JAKMIP1: variants seen among roughly 807,000 people sequenced by gnomAD.
The protein encoded by JAKMIP1 is janus kinase and microtubule interacting protein 1.
Under a neutral mutation model 113.0 loss-of-function variants are expected in JAKMIP1, and 33 were observed. That is an observed-to-expected ratio of 0.29 (90% CI 0.22 to 0.39). JAKMIP1 has a LOEUF of 0.39. Among genes scored for constraint, JAKMIP1 ranks in the 10% least tolerant of loss-of-function variants. JAKMIP1 has a pLI of 1.00. For missense variants in JAKMIP1, 813 were observed against 1,080.5 expected (o/e 0.75, Z 3.47); for synonymous variants, 480 against 459.9 (o/e 1.04, Z -0.56).
rs146732921 is a variant in JAKMIP1, at chr4:6,149,481, G to A, written c.-147-36484C>T. Reference sequence around the variant, plus strand: ...CCAGTGAAATCTAGGGATGTGGTCCGAGACCAGCGAGTAAGAAATACTGAA... The same window carrying A: ...CCAGTGAAATCTAGGGATGTGGTCCAAGACCAGCGAGTAAGAAATACTGAA... On this transcript the variant is annotated intron_variant, in intron 1 of 20. Coordinates refer to ENST00000409021, the MANE Select transcript of JAKMIP1 (RefSeq NM_001099433.2). Among the ~76,000 whole-genome samples the A allele has an allele frequency of 2.6e-5, 4 of 152,236 alleles. No individual in the cohort carries two copies. In the East Asian group the frequency reaches 7.7e-4, roughly 29 times the overall value.
At position 6,050,173 on chromosome 4, in the gene JAKMIP1, T is replaced by C. The variant is rs997416872; in HGVS notation, c.1909-301A>G. ...GGACACGGTAAACCCCGGGCCCTTC[T>C]AGCAACCACAGCCACCATCTACAGA... is the stretch of plus-strand genomic sequence containing the variant. On this transcript the variant is annotated intron_variant, in intron 14 of 20. Transcript: ENST00000409021. The surrounding 1 kb of genome is among the most constrained non-coding windows in gnomAD (Gnocchi z 7.4). Among the ~76,000 whole-genome samples the C allele has an allele frequency of 6.6e-6, 1 of 152,204 alleles. No individual in the cohort carries two copies. The highest frequency in any genetic ancestry group is 1.5e-5 in the Non-Finnish European group (1 of 68,036).
rs1436689147 is a variant in JAKMIP1, at chr4:6,188,450, A to G, written c.-148+11803T>C. 6.6e-6 allele frequency among the ~76,000 whole-genome samples: 1 copy of G among 152,176 alleles called. No individual in the cohort carries two copies. The highest frequency in any genetic ancestry group is 1.5e-5 in the Non-Finnish European group (1 of 68,036). ...TTTCTCCACTTCCAACAATAAACAG[A>G]TAAGACACCACCCCAAAATGTTCAG... On this transcript the variant is annotated intron_variant, in intron 1 of 20. Coordinates refer to ENST00000409021, the MANE Select transcript of JAKMIP1 (RefSeq NM_001099433.2). The surrounding 1 kb of genome is among the most constrained non-coding windows in gnomAD (Gnocchi z 5.8).
rs991780319 is a variant in JAKMIP1 at position 6,081,482 on chromosome 4, C to T, written c.1101+127G>A. 1.6e-5 allele frequency: 16 copies of T among 989,758 alleles called. No homozygotes were observed. The Admixed American group carries it at 2.4e-4, about 15-fold the overall frequency. The allele number at this position is 989,758 out of a possible 1,614,324, so 61.3% of individuals were successfully genotyped here. The stretch of plus-strand genomic sequence containing the variant: ...CGAGACATCTGTGACTGACACTGTG[C>T]CTGGTGCTTTGTGGGGAGGTGGGCA... On this transcript the variant is annotated intron_variant, in intron 6 of 20. Transcript: ENST00000409021. This position sits in a 1 kb window ranked among gnomAD's most constrained non-coding sequence, Gnocchi z 4.6.
chr4:6,196,021 C>T (rs1382068808), intron 1 of JAKMIP1, among the ~76,000 whole-genome samples: 1 of 152,214 alleles, frequency 6.6e-6, no homozygotes, highest in Non-Finnish European at 1.5e-5. Flanking sequence ...TGTCCATTCA[C>T]CTCTACAGAC....
In JAKMIP1 at chr4:6,138,187, A is replaced by G. The variant is rs1364184898; in HGVS notation, c.-147-25190T>C. 6.6e-6 allele frequency among the ~76,000 whole-genome samples: 1 copy of G among 152,110 alleles called. No individual in the cohort carries two copies. Among genetic ancestry groups the G allele is most frequent in the Non-Finnish European group, 1.5e-5 (1 of 68,020 alleles). On this transcript the variant is annotated intron_variant, in intron 1 of 20. Transcript: ENST00000409021. This position sits in a 1 kb window ranked among gnomAD's most constrained non-coding sequence, Gnocchi z 6.0. Reference sequence around the variant, plus strand: ...GGACAGAGTGGCTTCTGTTATCTGCACCTGAACACAGATGAAAGCTGGGGT... The same window carrying G: ...GGACAGAGTGGCTTCTGTTATCTGCGCCTGAACACAGATGAAAGCTGGGGT...
chr4:6,114,633 G>T (rs527928823), intron 1 of JAKMIP1, among the ~76,000 whole-genome samples: 3 of 152,336 alleles, frequency 2.0e-5, no homozygotes, highest in African/African-American at 4.8e-5. Flanking sequence ...GGAGAGAGGG[G>T]TGTTTCTTAA....
At chr4:6,171,022 TCAC>T (rs1487778207) in intron 1 of JAKMIP1, among the ~76,000 whole-genome samples, 25 of 140,054 alleles carry the variant, frequency 1.8e-4, no homozygotes, top group Admixed American at 4.2e-4. Context: ...ATCACCATAA[TCAC>T]CACCATCACC....
intron 16 of JAKMIP1, among the ~76,000 whole-genome samples, chr4:6,047,348 C>T (rs965817437): frequency 2.0e-5 from 3 of 152,232 alleles, no homozygotes; most frequent in Non-Finnish European, 4.4e-5. Context: ...GTTTAATCAG[C>T]ACTTTGTGTG....
intron 1 of JAKMIP1, among the ~76,000 whole-genome samples, chr4:6,114,552 C>T (rs543441303): frequency 2.0e-5 from 3 of 152,304 alleles, no homozygotes; most frequent in Non-Finnish European, 4.4e-5. Flanking sequence ...AGCCCTGGGG[C>T]CCTGGGACAT....
intron 13 of JAKMIP1, 60 bp downstream of exon 13, chr4:6,053,990 T>C: frequency 6.2e-7 from 1 of 1,612,946 alleles, no homozygotes; most frequent in Non-Finnish European, 8.5e-7. Flanking sequence ...TGAATTTCAG[T>C]TTGGGTTCAA....
At chr4:6,029,893 T>C in intron 19 of JAKMIP1, 112 bp from the exon 20 acceptor site, 2 of 762,054 alleles carry the variant, frequency 2.6e-6, no homozygotes, top group Non-Finnish European at 4.5e-6. Context: ...ACCAACACTG[T>C]GGGCAGCCTG....
At position 6,143,711 on chromosome 4, in the gene JAKMIP1, G is replaced by T. The variant is rs150196153; in HGVS notation, c.-147-30714C>A. The stretch of plus-strand genomic sequence containing the variant: ...TCAACAGTAACCTACTGAACAGAAC[G>T]TGGGGGTGGACTCAGCAGTGTGGGT... On this transcript the variant is annotated intron_variant, in intron 1 of 20. Transcript: ENST00000409021. This position sits in a 1 kb window ranked among gnomAD's most constrained non-coding sequence, Gnocchi z 4.9. Among the ~76,000 whole-genome samples the T allele has an allele frequency of 1.8e-4, 27 of 152,336 alleles. 1 individual carries two copies. The highest frequency in any genetic ancestry group is 6.3e-4 in the African/African-American group (26 of 41,570).
intron 13 of JAKMIP1, 140 bp downstream of exon 13, chr4:6,053,909 AG>A (rs1474711711): frequency 6.6e-7 from 1 of 1,510,900 alleles, no homozygotes; most frequent in Non-Finnish European, 8.9e-7. Flanking sequence ...AAAAAAAAAA[AG>A]AAAGAAAGAA....
At chr4:6,161,403 G>A (rs1722941984) in intron 1 of JAKMIP1, among the ~76,000 whole-genome samples, 1 of 149,044 alleles carries the variant, frequency 6.7e-6, no homozygotes, top group Non-Finnish European at 1.5e-5. Flanking sequence ...GTGGGCTTTG[G>A]CATAGCTGGC....
intron 1 of JAKMIP1, among the ~76,000 whole-genome samples, chr4:6,134,455 C>T (rs936595730): frequency 6.6e-6 from 1 of 151,710 alleles, no homozygotes; most frequent in East Asian, 1.9e-4. Context: ...CCCGTCTTTT[C>T]CACCTGTTCA....
intron 1 of JAKMIP1, among the ~76,000 whole-genome samples, chr4:6,120,594 T>A (rs931201847): frequency 2.0e-5 from 3 of 152,210 alleles, no homozygotes; most frequent in Admixed American, 6.5e-5. Context: ...CCTGGAGAGA[T>A]GGGGAATGTG....
chr4:6,132,969 G>A (rs1425753658), intron 1 of JAKMIP1, among the ~76,000 whole-genome samples: 2 of 152,052 alleles, frequency 1.3e-5, no homozygotes, highest in African/African-American at 4.8e-5. Flanking sequence ...CCCAGCCACT[G>A]TTCATCTCTT....
At chr4:6,161,128 T>G (rs1300981711) in intron 1 of JAKMIP1, among the ~76,000 whole-genome samples, 1 of 136,232 alleles carries the variant, frequency 7.3e-6, no homozygotes, top group African/African-American at 2.9e-5. Flanking sequence ...TCATCTCCCC[T>G]GATCTCCACT....
rs1000044570 is a variant in JAKMIP1 at position 6,108,912 on chromosome 4, G to T, written c.130-2945C>A. On this transcript the variant is annotated intron_variant, in intron 2 of 20. Coordinates refer to ENST00000409021, the MANE Select transcript of JAKMIP1 (RefSeq NM_001099433.2). This position sits in a 1 kb window ranked among gnomAD's most constrained non-coding sequence, Gnocchi z 5.6. ...CATATATGGAAATATTTACAGGTAT[G>T]CGTACATACGCAGGTCAGTATACAC... Among the ~76,000 whole-genome samples the T allele has an allele frequency of 6.6e-6, 1 of 152,252 alleles. No homozygotes were observed. The highest frequency in any genetic ancestry group is 2.4e-5 in the African/African-American group (1 of 41,474).
Sources: allele counts gnomAD v4.1 joint callset (sites outside exome capture counted in the v4.1 genomes callset), GRCh38; gene constraint gnomAD v4.1.1; non-coding constraint Gnocchi (gnomAD v3.1); transcripts MANE v1.5; gene names NCBI Gene and HGNC (gene_info 2026-07-23, HGNC 2026-07-21).